The following LSM14A variants were observed in gnomAD, a reference collection of about 807,000 sequenced individuals.
LSM14A encodes the protein protein LSM14 homolog A.
In LSM14A, 14 loss-of-function variants were observed where a neutral mutation model predicts 52.4. That is an observed-to-expected ratio of 0.27 (90% CI 0.18 to 0.42). LSM14A has a LOEUF of 0.42. Among genes scored for constraint, LSM14A ranks in the 10% least tolerant of loss-of-function variants. The pLI, the probability that LSM14A is intolerant of heterozygous loss-of-function variation, is 1.00. For synonymous variants in LSM14A, 185 were observed against 200.3 expected, an observed-to-expected ratio of 0.92 and a Z score of 0.64; for missense variants, 417 against 581.8, an observed-to-expected ratio of 0.72 and a Z score of 2.91.
At chr19:34,208,759 A>T (rs2071899029) in intron 3 of LSM14A, 170 bp from the exon 4 acceptor site, 1 of 532,710 alleles carries the variant, frequency 1.9e-6, no homozygotes, top group African/African-American at 1.9e-5. Flanking sequence ...TATTGCCATA[A>T]AATTCCCAAA....
intron 9 of LSM14A, among the ~76,000 whole-genome samples, chr19:34,222,512 G>A (rs537371158): frequency 2.6e-5 from 4 of 152,306 alleles, no homozygotes; most frequent in African/African-American, 9.6e-5. Flanking sequence ...TAGTGGAGAG[G>A]AAGGGCTATA....
At chr19:34,217,331 A>G (rs1289192348) in intron 6 of LSM14A, among the ~76,000 whole-genome samples, 1 of 149,962 alleles carries the variant, frequency 6.7e-6, no homozygotes, top group African/African-American at 2.4e-5. Flanking sequence ...GTTTTCTTTT[A>G]TGATTATTGA....
chr19:34,184,482 C>T (rs1252825624), intron 1 of LSM14A, among the ~76,000 whole-genome samples: 7 of 152,042 alleles, frequency 4.6e-5, no homozygotes, highest in African/African-American at 1.5e-4. Flanking sequence ...AGTAATTAGC[C>T]ATTATCTATA....
At chr19:34,184,564 A>G (rs1418573303) in intron 1 of LSM14A, among the ~76,000 whole-genome samples, 1 of 152,124 alleles carries the variant, frequency 6.6e-6, no homozygotes, top group Non-Finnish European at 1.5e-5. Flanking sequence ...AGCAATTTTT[A>G]TTTACATACA....
intron 1 of LSM14A, among the ~76,000 whole-genome samples, chr19:34,186,103 T>A (rs909214198): frequency 3.3e-5 from 5 of 152,258 alleles, no homozygotes; most frequent in Non-Finnish European, 7.3e-5. Context: ...ATGTCAGCTA[T>A]ATGTAGAGCA....
intron 9 of LSM14A, chr19:34,226,555 C>A: frequency 1.8e-6 from 2 of 1,087,054 alleles, no homozygotes; most frequent in Non-Finnish European, 2.6e-6. Context: ...CAACTTATGC[C>A]ATACCATATG....
At chr19:34,202,328 T>C in intron 3 of LSM14A, among the ~76,000 whole-genome samples, 1 of 147,212 alleles carries the variant, frequency 6.8e-6, no homozygotes, top group African/African-American at 2.5e-5. Flanking sequence ...ACCCTGGCTC[T>C]ACAAAAAAAA....
chr19:34,172,747 C>T lies in LSM14A; in HGVS notation c.105C>T (p.Thr35=). The T allele has an allele frequency of 6.4e-7, 1 of 1,572,996 alleles. No homozygotes were observed. Among genetic ancestry groups the T allele is most frequent in the Non-Finnish European group, 8.6e-7 (1 of 1,161,542 alleles). Residue 35 remains threonine (T), a synonymous_variant, in exon 1 of 10, where the codon ACC becomes ACT. Coordinates refer to ENST00000544216, the MANE Select transcript of LSM14A (RefSeq NM_015578.4). ...ILYTIDTENS[T]VALAKVRSFG... is the part of the protein sequence containing the mutation. ...ACACCATCGACACCGAAAACTCCAC[C>T]GTAGCCCTTGCCAAAGGTACGCGGG...
At chr19:34,221,890 A>T (rs915696589) in intron 9 of LSM14A, 152 bp downstream of exon 9, 3 of 1,391,258 alleles carry the variant, frequency 2.2e-6, no homozygotes, top group South Asian at 1.6e-5. Flanking sequence ...CGTGATTCAG[A>T]TGTATATATA....
chr19:34,189,763 G>T (rs2070211017), intron 1 of LSM14A, among the ~76,000 whole-genome samples: 1 of 152,184 alleles, frequency 6.6e-6, no homozygotes, highest in Non-Finnish European at 1.5e-5. Context: ...CAGACCATTT[G>T]AAATCTGTGC....
Position 34,172,547 on chromosome 19 carries a change from T to G in LSM14A, c.-96T>G. 2 of 1,369,042 alleles carry G rather than the reference T, an allele frequency of 1.5e-6. No individual in the cohort carries two copies. The highest frequency in any genetic ancestry group is 1.9e-6 in the Non-Finnish European group (2 of 1,052,234). The allele number at this position is 1,369,042 out of a possible 1,614,324, so 84.8% of individuals were successfully genotyped here. A position where few individuals can be genotyped will look rare whatever the true frequency, so the allele number is the denominator to read the frequency against. On this transcript the variant is annotated 5_prime_UTR_variant, in exon 1 of 10. Coordinates refer to ENST00000544216, the MANE Select transcript of LSM14A (RefSeq NM_015578.4). ...GCCATGTTGGGTCTGAAGCGGCTGC[T>G]GTAGGCGCCGACGGAGCGAGCGGGC...
intron 8 of LSM14A, chr19:34,221,275 G>A: frequency 2.0e-6 from 1 of 506,828 alleles, no homozygotes; most frequent in South Asian, 3.1e-5. Context: ...TAGAGAATGA[G>A]TTTCACCATT....
chr19:34,207,665 G>A (rs2071805002), intron 3 of LSM14A, among the ~76,000 whole-genome samples: 1 of 151,856 alleles, frequency 6.6e-6, no homozygotes, highest in Admixed American at 6.6e-5. Flanking sequence ...CTGAGTAGCT[G>A]GGACTGCAGG....
At chr19:34,180,345 A>G (rs899152830) in intron 1 of LSM14A, among the ~76,000 whole-genome samples, 1 of 152,184 alleles carries the variant, frequency 6.6e-6, no homozygotes, top group African/African-American at 2.4e-5. Flanking sequence ...TGCGACCCAA[A>G]ATGCCAGTTG....
intron 4 of LSM14A, among the ~76,000 whole-genome samples, chr19:34,211,004 C>T (rs1308176569): frequency 6.6e-6 from 1 of 151,708 alleles, no homozygotes; most frequent in East Asian, 1.9e-4. Context: ...ATTAAATATA[C>T]AAAAGTCAAT....
intron 1 of LSM14A, among the ~76,000 whole-genome samples, chr19:34,185,940 AT>A (rs1254953508): frequency 1.5e-4 from 23 of 152,246 alleles, no homozygotes; most frequent in Non-Finnish European, 1.5e-5. Context: ...ATCAGTTGTT[AT>A]TTACTCTAAA....
intron 1 of LSM14A, among the ~76,000 whole-genome samples, chr19:34,173,809 G>A (rs1197796738): frequency 6.6e-6 from 1 of 150,974 alleles, no homozygotes; most frequent in Non-Finnish European, 1.5e-5. Flanking sequence ...CTGTGGATAG[G>A]TTAGGTCCAA....
At chr19:34,202,055 CAG>C (rs1440675826) in intron 3 of LSM14A, among the ~76,000 whole-genome samples, 1 of 151,124 alleles carries the variant, frequency 6.6e-6, no homozygotes, top group Admixed American at 6.6e-5. Flanking sequence ...CTCCTGGGTT[CAG>C]TCTGCCTGCC....
intron 1 of LSM14A, among the ~76,000 whole-genome samples, chr19:34,180,741 C>T (rs1178229256): frequency 3.3e-5 from 5 of 152,104 alleles, no homozygotes; most frequent in Admixed American, 6.6e-5. Flanking sequence ...TTCCCTCAGC[C>T]CCCACCCCAT....
Sources: allele counts gnomAD v4.1 joint callset (sites outside exome capture counted in the v4.1 genomes callset), GRCh38; gene constraint gnomAD v4.1.1; transcripts MANE v1.5; gene names NCBI Gene and HGNC (gene_info 2026-07-23, HGNC 2026-07-21).